ARHGAP44: variants seen among roughly 807,000 people sequenced by gnomAD.
The protein encoded by ARHGAP44 is Rho GTPase activating protein 44, also known as rho GTPase-activating protein 44.
ARHGAP44 carries 43 observed loss-of-function variants against 106.8 expected under a neutral mutation model. That is an observed-to-expected ratio of 0.40 (90% CI 0.32 to 0.52). ARHGAP44 has a LOEUF of 0.52. ARHGAP44 is among the 20% of genes least tolerant of loss of function. The pLI is 0.48. For synonymous variants in ARHGAP44, 439 were observed against 410.3 expected (o/e 1.07, Z -0.85); for missense variants, 866 against 1,050.5 (o/e 0.82, Z 2.43).
chr17:12,920,260 C>T (rs1307263673), intron 6 of ARHGAP44, among the ~76,000 whole-genome samples: 2 of 147,074 alleles, frequency 1.4e-5, no homozygotes, highest in African/African-American at 5.3e-5. Context: ...CCTGTAGTCC[C>T]AGCTACTTGG....
At chr17:12,923,887 A>G (rs2038159854) in intron 6 of ARHGAP44, among the ~76,000 whole-genome samples, 1 of 152,154 alleles carries the variant, frequency 6.6e-6, no homozygotes, top group Non-Finnish European at 1.5e-5. Flanking sequence ...TGTGCTATTG[A>G]ACAGCAGGGA....
At chr17:12,838,659 A>G (rs2035306682) in intron 1 of ARHGAP44, among the ~76,000 whole-genome samples, 1 of 151,750 alleles carries the variant, frequency 6.6e-6, no homozygotes, top group Admixed American at 6.6e-5. Context: ...TTCACCCCCC[A>G]CCCATCTCCA....
intron 1 of ARHGAP44, among the ~76,000 whole-genome samples, chr17:12,799,023 T>C (rs551345478): frequency 6.6e-6 from 1 of 152,362 alleles, no homozygotes; most frequent in African/African-American, 2.4e-5. Flanking sequence ...TCATTCCTAA[T>C]TTACAATTCT....
At chr17:12,950,257 A>G (rs1419742108) in intron 12 of ARHGAP44, among the ~76,000 whole-genome samples, 1 of 152,212 alleles carries the variant, frequency 6.6e-6, no homozygotes, top group Admixed American at 6.5e-5. Flanking sequence ...GTGAGTGGGC[A>G]TAGAGTCTTT....
At chr17:12,939,456 T>G (rs2038644076) in intron 7 of ARHGAP44, among the ~76,000 whole-genome samples, 1 of 152,090 alleles carries the variant, frequency 6.6e-6, no homozygotes, top group Non-Finnish European at 1.5e-5. Flanking sequence ...AATGTTAACT[T>G]CTTTATTTTT....
At chr17:12,881,160 G>A (rs973339269) in intron 1 of ARHGAP44, among the ~76,000 whole-genome samples, 3 of 150,992 alleles carry the variant, frequency 2.0e-5, no homozygotes, top group African/African-American at 7.3e-5. Flanking sequence ...CAACCATCAT[G>A]ACAATTAATA....
chr17:12,815,554 G>C (rs2034575031), intron 1 of ARHGAP44, among the ~76,000 whole-genome samples: 1 of 152,142 alleles, frequency 6.6e-6, no homozygotes, highest in South Asian at 2.1e-4. Flanking sequence ...TGAAATTAGA[G>C]CCCCCATGAC....
At chr17:12,978,035 T>TTAAAAAAA in intron 18 of ARHGAP44, among the ~76,000 whole-genome samples, 1 of 55,560 alleles carries the variant, frequency 1.8e-5, no homozygotes, top group South Asian at 6.8e-4. Flanking sequence ...AGACTCCATC[T>TTAAAAAAA]CAAAAAAAAA....
At chr17:12,935,239 A>C (rs2038512067) in intron 7 of ARHGAP44, among the ~76,000 whole-genome samples, 1 of 152,212 alleles carries the variant, frequency 6.6e-6, no homozygotes, top group African/African-American at 2.4e-5. Context: ...TATGATAACA[A>C]TAAATTTCAG....
intron 9 of ARHGAP44, 115 bp downstream of exon 9, chr17:12,943,784 G>A (rs779085386): frequency 7.0e-6 from 8 of 1,150,970 alleles, no homozygotes; most frequent in Non-Finnish European, 1.0e-5. Flanking sequence ...AGCATCACCT[G>A]TAGATGAGCC....
intron 1 of ARHGAP44, among the ~76,000 whole-genome samples, chr17:12,861,329 A>G (rs1291255182): frequency 1.3e-5 from 2 of 152,160 alleles, no homozygotes; most frequent in African/African-American, 2.4e-5. Flanking sequence ...ATGATAAATT[A>G]TCACAAACTT....
chr17:12,805,569 T>A (rs200253575), intron 1 of ARHGAP44, among the ~76,000 whole-genome samples: 26,972 of 152,224 alleles, frequency 0.18, 4,004 homozygotes, highest in African/African-American at 0.4. Context: ...GTATTGTCTT[T>A]ATCTCCAAAG....
chr17:12,918,802 G>A (rs971418967), intron 5 of ARHGAP44, among the ~76,000 whole-genome samples: 4 of 152,158 alleles, frequency 2.6e-5, no homozygotes, highest in Non-Finnish European at 5.9e-5. Flanking sequence ...GAAGTAAAGA[G>A]GGATGTGGTT....
At position 12,789,803 on chromosome 17, in the gene ARHGAP44, C is replaced by T; in HGVS notation, c.-36C>T. On this transcript the variant is annotated 5_prime_UTR_variant, in exon 1 of 21. Transcript: ENST00000379672. Reference sequence around the variant, plus strand: ...GCGGGCTCCGGGCTGCTCCGTCCTTCCCCAGCTCCCGGGCTAGCGCGGCAG... The same window carrying T: ...GCGGGCTCCGGGCTGCTCCGTCCTTTCCCAGCTCCCGGGCTAGCGCGGCAG... 1.3e-6 allele frequency: 2 copies of T among 1,492,250 alleles called. No individual in the cohort carries two copies. The highest frequency in any genetic ancestry group is 1.8e-6 in the Non-Finnish European group (2 of 1,122,088). 92.4% of individuals were successfully genotyped at this position (1,492,250 alleles called of 1,614,324 possible).
chr17:12,823,015 TG>T (rs533921821), intron 1 of ARHGAP44, among the ~76,000 whole-genome samples: 208 of 152,316 alleles, frequency 1.4e-3, no homozygotes, highest in African/African-American at 4.6e-3. Context: ...CTGGGTAAAA[TG>T]TGCAACTTCG....
chr17:12,835,279 C>A (rs1391401274), intron 1 of ARHGAP44, among the ~76,000 whole-genome samples: 4 of 152,100 alleles, frequency 2.6e-5, no homozygotes, highest in African/African-American at 7.2e-5. Flanking sequence ...CTTGCCAACA[C>A]CCTCAAGAAT....
At chr17:12,899,967 C>T (rs1328273152) in intron 3 of ARHGAP44, among the ~76,000 whole-genome samples, 1 of 152,092 alleles carries the variant, frequency 6.6e-6, no homozygotes, top group Middle Eastern at 3.2e-3. Context: ...TGGCTGCCAG[C>T]CAGATGTGGG....
At position 12,990,511 on chromosome 17, in the gene ARHGAP44, G is replaced by A. The variant is rs1297832137; in HGVS notation, c.*340G>A. 3 of 225,054 alleles carry A rather than the reference G, an allele frequency of 1.3e-5. No individual in the cohort carries two copies. The highest frequency in any genetic ancestry group is 7.6e-5 in the South Asian group (1 of 13,084). The allele number at this position is 225,054 out of a possible 1,614,324, so 13.9% of individuals were successfully genotyped here. ...GGAACGTCCTTTGCAGGGTCGGGGT[G>A]GTGCGGGAGAGGCTCACTTTGCCTG... On this transcript the variant is annotated 3_prime_UTR_variant, in exon 21 of 21. Transcript: ENST00000379672.
Position 12,973,327 on chromosome 17 carries a change from A to G in ARHGAP44, c.1541+8A>G. ...CCTTAGGAAAATCCAAAGGTATGGT[A>G]TCCTCTGGTAGCTATGAGGCCATGC... On this transcript the variant is annotated splice_region_variant and intron_variant, in intron 17 of 20. Transcript: ENST00000379672. 6.2e-7 allele frequency: 1 copy of G among 1,607,442 alleles called. No individual in the cohort carries two copies. The highest frequency in any genetic ancestry group is 8.5e-7 in the Non-Finnish European group (1 of 1,176,764).
Sources: gnomAD v4.1 joint callset for allele counts (sites outside exome capture counted in the v4.1 genomes callset) on GRCh38, gnomAD v4.1.1 for gene constraint, MANE v1.5 for transcripts, NCBI Gene and HGNC (gene_info 2026-07-23, HGNC 2026-07-21) for gene names.